Variants in GSK3B observed in about 807,000 individuals in gnomAD.
GSK3B encodes glycogen synthase kinase-3 beta.
In GSK3B, 15 loss-of-function variants were observed where a neutral mutation model predicts 56.4. That is an observed-to-expected ratio of 0.27 (90% CI 0.18 to 0.41). GSK3B has a LOEUF of 0.41. Ranked by LOEUF, GSK3B falls within the 10% of genes least tolerant of loss-of-function variation. The pLI is 1.00. For missense variants in GSK3B, 300 were observed against 513.4 expected, an observed-to-expected ratio of 0.58 and a Z score of 4.02; for synonymous variants, 181 against 188.9, an observed-to-expected ratio of 0.96 and a Z score of 0.34.
At chr3:119,905,977 A>G (rs1298612154) in intron 6 of GSK3B, 125 bp from the exon 7 acceptor site, 1 of 622,494 alleles carries the variant, frequency 1.6e-6, no homozygotes. Flanking sequence ...TATACAATCC[A>G]AAACAGAGAA....
intron 9 of GSK3B, among the ~76,000 whole-genome samples, chr3:119,856,992 T>C (rs1287371190): frequency 6.6e-6 from 1 of 152,100 alleles, no homozygotes; most frequent in Admixed American, 6.5e-5. Flanking sequence ...AAGTGATGAG[T>C]TTACCCTACA....
intron 1 of GSK3B, among the ~76,000 whole-genome samples, chr3:120,014,737 T>C (rs2057809547): frequency 6.6e-6 from 1 of 152,170 alleles, no homozygotes; most frequent in Non-Finnish European, 1.5e-5. Context: ...AATTACTAAA[T>C]TTCCTTTGGG....
intron 9 of GSK3B, among the ~76,000 whole-genome samples, chr3:119,851,574 C>T (rs942068414): frequency 6.6e-6 from 1 of 152,126 alleles, no homozygotes; most frequent in African/African-American, 2.4e-5. Flanking sequence ...AAAATCAACC[C>T]CTCTACTGAC....
At chr3:119,857,695 T>C (rs2056040601) in intron 9 of GSK3B, among the ~76,000 whole-genome samples, 1 of 152,210 alleles carries the variant, frequency 6.6e-6, no homozygotes, top group African/African-American at 2.4e-5. Context: ...CTTTCACAAA[T>C]CACAAATGTT....
rs79863502 is a variant in GSK3B, at chr3:119,892,085, T to G, written c.813+13670A>C. On this transcript the variant is annotated intron_variant, in intron 7 of 10. Transcript: ENST00000264235. Reference sequence around the variant, plus strand: ...CAACTGACAAGCTCTGAAACGCTAGTATTTCTTCCACAACGTTGTTTATTT... The same window carrying G: ...CAACTGACAAGCTCTGAAACGCTAGGATTTCTTCCACAACGTTGTTTATTT... Among the ~76,000 whole-genome samples the G allele has an allele frequency of 1.8e-3, 273 of 152,252 alleles. 2 individuals carry two copies. The highest frequency in any genetic ancestry group is 3.9e-3 in the Admixed American group (60 of 15,276).
chr3:119,956,802 G>A (rs1020665421), intron 2 of GSK3B, among the ~76,000 whole-genome samples: 3 of 152,190 alleles, frequency 2.0e-5, no homozygotes, highest in Non-Finnish European at 4.4e-5. Flanking sequence ...AAGAGACAGA[G>A]TGAGAAAAGC....
intron 7 of GSK3B, among the ~76,000 whole-genome samples, chr3:119,879,613 G>T (rs2056356662): frequency 6.6e-6 from 1 of 150,476 alleles, no homozygotes; most frequent in African/African-American, 2.5e-5. Context: ...CTATTGTTTT[G>T]TACCCATTAA....
At chr3:119,864,494 T>C (rs2056150296) in intron 8 of GSK3B, among the ~76,000 whole-genome samples, 1 of 152,068 alleles carries the variant, frequency 6.6e-6, no homozygotes, top group Non-Finnish European at 1.5e-5. Context: ...CGAGAAGCCT[T>C]TGAAATTAAA....
chr3:119,868,365 C>T lies in GSK3B; in HGVS notation c.910-4760G>A, dbSNP rs2056209645. ...CAGTATTGAACAAATGCAAAGAAGT[C>T]CTTAAATGAAGAATTATTCAAAATA... is the stretch of plus-strand genomic sequence containing the variant. On this transcript the variant is annotated intron_variant, in intron 8 of 10. Transcript: ENST00000264235. 2.0e-5 allele frequency among the ~76,000 whole-genome samples: 3 copies of T among 152,246 alleles called. No individual in the cohort carries two copies. In the South Asian group the frequency reaches 6.2e-4, roughly 32 times the overall value.
At chr3:119,997,097 G>A (rs1343455326) in intron 2 of GSK3B, among the ~76,000 whole-genome samples, 1 of 152,094 alleles carries the variant, frequency 6.6e-6, no homozygotes, top group Non-Finnish European at 1.5e-5. Flanking sequence ...AAACACTCTA[G>A]TTCACCAGTA....
intron 8 of GSK3B, among the ~76,000 whole-genome samples, chr3:119,872,689 G>C (rs1178332596): frequency 6.6e-6 from 1 of 152,124 alleles, no homozygotes; most frequent in African/African-American, 2.4e-5. Flanking sequence ...AACTCCATTG[G>C]AGTGCTACAT....
chr3:119,822,165 T>C lies in GSK3B; in HGVS notation c.*4623A>G, dbSNP rs1577292476. 5.2e-6 allele frequency: 1 copy of C among 192,752 alleles called. No individual in the cohort carries two copies. The highest frequency in any genetic ancestry group is 1.9e-4 in the South Asian group (1 of 5,150). 11.9% of individuals were successfully genotyped at this position (192,752 alleles called of 1,614,324 possible). On this transcript the variant is annotated 3_prime_UTR_variant, in exon 11 of 11. Coordinates refer to ENST00000264235, the MANE Select transcript of GSK3B (RefSeq NM_001146156.2). Reference sequence around the variant, plus strand: ...AGGCATTCAAGTAGTAATAATGTTATACAGATTTTGCTTTTCCTTTATATC... The same window carrying C: ...AGGCATTCAAGTAGTAATAATGTTACACAGATTTTGCTTTTCCTTTATATC...
chr3:119,877,502 T>C (rs1004945580), intron 7 of GSK3B, among the ~76,000 whole-genome samples: 1 of 152,196 alleles, frequency 6.6e-6, no homozygotes, highest in African/African-American at 2.4e-5. Context: ...TTTCTGAATA[T>C]TTTTGATCTG....
At chr3:119,926,744 C>T (rs929937443) in intron 3 of GSK3B, among the ~76,000 whole-genome samples, 1 of 152,176 alleles carries the variant, frequency 6.6e-6, no homozygotes, top group Admixed American at 6.5e-5. Flanking sequence ...TTTTCAGATT[C>T]AGGGATTCTG....
At chr3:120,054,041 C>A (rs576312125) in intron 1 of GSK3B, among the ~76,000 whole-genome samples, 1 of 151,908 alleles carries the variant, frequency 6.6e-6, no homozygotes, top group East Asian at 1.9e-4. Context: ...TCTTTGATAC[C>A]GGCAGTACAA....
intron 8 of GSK3B, among the ~76,000 whole-genome samples, chr3:119,869,941 G>A (rs1436524168): frequency 1.3e-5 from 2 of 152,182 alleles, no homozygotes; most frequent in Non-Finnish European, 2.9e-5. Flanking sequence ...TTTGCCAAAT[G>A]TCCGCTTATC....
intron 3 of GSK3B, among the ~76,000 whole-genome samples, chr3:119,941,014 AT>A (rs201037934): frequency 0.11 from 15,646 of 138,652 alleles, 645 homozygotes; most frequent in African/African-American, 0.13. Context: ...ATTACTACTA[AT>A]TTTTTTTTTT....
chr3:119,955,207 T>C (rs1478121872), intron 2 of GSK3B, among the ~76,000 whole-genome samples: 1 of 150,856 alleles, frequency 6.6e-6, no homozygotes, highest in Non-Finnish European at 1.5e-5. Flanking sequence ...TCACAGTAAA[T>C]TCAGTTGCCC....
Position 120,069,472 on chromosome 3 carries a change from G to A in GSK3B, c.88+23875C>T, listed in dbSNP as rs955961609. ...TATTCAAATTTTTGAAGAGTATCTT[G>A]GACCATTTAAGTTAATTCTACTGAA... On this transcript the variant is annotated intron_variant, in intron 1 of 10. Coordinates refer to ENST00000264235, the MANE Select transcript of GSK3B (RefSeq NM_001146156.2). 6.6e-5 allele frequency among the ~76,000 whole-genome samples: 10 copies of A among 152,256 alleles called. No homozygotes were observed. The South Asian group carries it at 1.0e-3, about 16-fold the overall frequency.
Sources: allele counts gnomAD v4.1 joint callset (sites outside exome capture counted in the v4.1 genomes callset), GRCh38; gene constraint gnomAD v4.1.1; transcripts MANE v1.5; gene names NCBI Gene and HGNC (gene_info 2026-07-23, HGNC 2026-07-21).